ZNF117: variants seen among roughly 807,000 people sequenced by gnomAD.
The protein encoded by ZNF117 is zinc finger protein 117.
In ZNF117, 37 loss-of-function variants were observed where a neutral mutation model predicts 41.2. The ratio of observed to expected loss-of-function variants is 0.90; its 90% CI spans 0.69 to 1.18. The LOEUF is 1.18. Ranked by LOEUF, ZNF117 falls within the 50% of genes most tolerant of loss-of-function variation. The pLI is 0.00. For missense variants in ZNF117, 546 were observed against 557.5 expected, an observed-to-expected ratio of 0.98 and a Z score of 0.21; for synonymous variants, 186 against 186.6, an observed-to-expected ratio of 1.00 and a Z score of 0.02.
At chr7:64,980,267 G>A (rs1785998127) in intron 2 of ZNF117, 1 of 151,978 alleles carries the variant, frequency 6.6e-6, no homozygotes, top group South Asian at 2.1e-4. Flanking sequence ...ACTGTGACAG[G>A]TAGCTTGTTT....
intron 1 of ZNF117, among the ~76,000 whole-genome samples, chr7:64,989,478 TATATATATATATATATATA>T (rs1786211105): frequency 2.6e-5 from 2 of 75,556 alleles, no homozygotes; most frequent in African/African-American, 4.2e-5. Flanking sequence ...TATATATATA[TATATATATATATATATATA>T]TAAAACCTGA....
At chr7:64,976,859 G>C (rs1379446526) in exon 3 of ZNF117, 4 of 450,730 alleles carry the variant, frequency 8.9e-6, no homozygotes, top group Non-Finnish European at 1.8e-5. Flanking sequence ...TAAAGTTTGA[G>C]ATTTAGTTAC....
intron 1 of ZNF117, 51 bp from the exon 3 acceptor site, chr7:64,981,533 C>A: frequency 2.8e-6 from 4 of 1,429,708 alleles, no homozygotes; most frequent in Non-Finnish European, 3.9e-6. Context: ...TCTCCAATTA[C>A]CAACTTGGTA....
chr7:64,978,786 G>C lies in ZNF117; in HGVS notation c.785C>G (p.Ser262Ter), dbSNP rs751474341. Reference sequence around the variant, plus strand: ...AATGTACTTATGTTCAGTAAGTTTTGAGGATCGGTTAAAAGCTTTGCCGCA... The same window carrying C: ...AATGTACTTATGTTCAGTAAGTTTTCAGGATCGGTTAAAAGCTTTGCCGCA... The change falls in exon 3 of 3, where the codon TCA becomes TGA. Residue 262 changes from serine to a stop codon, truncating the protein, a stop_gained. Transcript: ENST00000620222. LOFTEE classifies it high-confidence loss of function. The C allele has an allele frequency of 6.2e-7, 1 of 1,613,366 alleles. No individual in the cohort carries two copies. The highest frequency in any genetic ancestry group is 8.5e-7 in the Non-Finnish European group (1 of 1,179,684).
At chr7:64,978,040 TAGA>T (rs887722986) in exon 3 of ZNF117, 16 of 1,454,790 alleles carry the variant, frequency 1.1e-5, no homozygotes, top group African/African-American at 2.8e-5. Flanking sequence ...GAGAAATGGT[TAGA>T]AGTTTTGCCA....
Position 64,979,519 on chromosome 7 carries a change from C to A in ZNF117, c.52G>T (p.Ala18Ser), listed in dbSNP as rs764613178. 4 of 1,493,134 alleles carry A rather than the reference C, an allele frequency of 2.7e-6. No homozygotes were observed. The East Asian group carries it at 7.0e-5, about 26-fold the overall frequency. The allele number at this position is 1,493,134 out of a possible 1,614,324, so 92.5% of individuals were successfully genotyped here. ...TTCTGCTCTGGCCAAAGGTGTTGGGCAAAATAATAAAACATAACTGAAAGA... is the reference window on the plus strand; with the variant it reads ...TTCTGCTCTGGCCAAAGGTGTTGGGAAAAATAATAAAACATAACTGAAAGA... Residue 18 changes from alanine (A) to serine (S), a missense_variant, in exon 3 of 3, where the codon GCC becomes TCC. Coordinates refer to ENST00000620222, the Ensembl canonical transcript of ZNF117.
chr7:64,990,053 A>G (rs1786229845), exon 1 of ZNF117: 1 of 152,168 alleles, frequency 6.6e-6, no homozygotes, highest in African/African-American at 2.4e-5. Flanking sequence ...TCCTGGTGAC[A>G]CAGCAAGACT....
exon 3 of ZNF117, chr7:64,978,920 C>T (rs2129118748): frequency 6.2e-7 from 1 of 1,609,392 alleles, no homozygotes; most frequent in Non-Finnish European, 8.5e-7. Flanking sequence ...AGGGAATTTC[C>T]CCAGTATGAA....
At chr7:64,979,416 C>A in exon 3 of ZNF117, 2 of 1,610,360 alleles carry the variant, frequency 1.2e-6, no homozygotes, top group Non-Finnish European at 1.7e-6. Flanking sequence ...ACTTTTACAG[C>A]CTTTTCTTAA....
intron 1 of ZNF117, among the ~76,000 whole-genome samples, chr7:64,988,811 G>A (rs571596213): frequency 6.6e-5 from 10 of 152,048 alleles, no homozygotes; most frequent in South Asian, 2.1e-4. Flanking sequence ...CATCCAAGCC[G>A]AAAGCCAAAT....
chr7:64,985,904 T>C (rs1478183346), upstream of ZNF117, among the ~76,000 whole-genome samples: 1 of 129,250 alleles, frequency 7.7e-6, no homozygotes, highest in Admixed American at 9.7e-5. Context: ...GTGAGCCAGA[T>C]CATGCCATTG....
exon 1 of ZNF117, chr7:64,982,103 A>T: frequency 1.0e-6 from 1 of 959,474 alleles, no homozygotes; most frequent in Non-Finnish European, 1.6e-6. Flanking sequence ...CACATCCATA[A>T]ATGTCAATGG....
upstream of ZNF117, among the ~76,000 whole-genome samples, chr7:64,982,829 T>G (rs1240710408): frequency 6.6e-6 from 1 of 152,168 alleles, no homozygotes; most frequent in Non-Finnish European, 1.5e-5. Context: ...GAAAAATAAT[T>G]ATAGTAAAGA....
At chr7:64,976,306 G>C (rs1379635386) in exon 3 of ZNF117, 1 of 152,442 alleles carries the variant, frequency 6.6e-6, no homozygotes, top group African/African-American at 2.4e-5. Context: ...GCCAAATGTG[G>C]TGGTGTGTGC....
exon 1 of ZNF117, chr7:64,990,316 T>A (rs1035953062): frequency 6.5e-6 from 1 of 154,446 alleles, no homozygotes; most frequent in Non-Finnish European, 1.4e-5. Flanking sequence ...GAAAAAGGAA[T>A]GCTTATATGT....
chr7:64,980,097 G>A (rs1308769640), intron 2 of ZNF117: 1 of 153,040 alleles, frequency 6.5e-6, no homozygotes, highest in Admixed American at 6.6e-5. Flanking sequence ...TGTGGCAAGT[G>A]ATGACTATTA....
At chr7:64,981,423 T>G (rs368497007) in exon 2 of ZNF117, 1 of 1,613,088 alleles carries the variant, frequency 6.2e-7, no homozygotes, top group Non-Finnish European at 8.5e-7. Flanking sequence ...CTCTTCATAT[T>G]CCAGGGCTCT....
chr7:64,979,069 T>C (rs766656634), exon 3 of ZNF117: 2 of 1,613,042 alleles, frequency 1.2e-6, no homozygotes, highest in South Asian at 1.1e-5. Context: ...CCACATTCTT[T>C]ACATTTGTAA....
upstream of ZNF117, among the ~76,000 whole-genome samples, chr7:64,984,298 A>AT (rs1786090828): frequency 6.6e-6 from 1 of 152,066 alleles, no homozygotes; most frequent in Non-Finnish European, 1.5e-5. Flanking sequence ...CGCCCAACTA[A>AT]TTTTTGTATT....
Sources: gnomAD v4.1 joint callset for allele counts (sites outside exome capture counted in the v4.1 genomes callset) on GRCh38, gnomAD v4.1.1 for gene constraint, MANE v1.5 for transcripts, NCBI Gene and HGNC (gene_info 2026-07-23, HGNC 2026-07-21) for gene names.